ZNF804B: variants seen among roughly 807,000 people sequenced by gnomAD.
The protein encoded by ZNF804B is zinc finger 804B.
In ZNF804B, 80 loss-of-function variants were observed where a neutral mutation model predicts 101.4. The observed-to-expected ratio is 0.79, with a 90% CI of 0.66 to 0.95. ZNF804B has a LOEUF of 0.95. Among genes scored for constraint, ZNF804B ranks in the 40% least tolerant of loss-of-function variants. The pLI, the probability that ZNF804B is intolerant of heterozygous loss-of-function variation, is 0.00. For synonymous variants in ZNF804B, 622 were observed against 558.8 expected (o/e 1.11, Z -1.59); for missense variants, 1,673 against 1,561.9 (o/e 1.07, Z -1.20).
chr7:89,244,122 A>G (rs944453810), intron 2 of ZNF804B, among the ~76,000 whole-genome samples: 1 of 152,002 alleles, frequency 6.6e-6, no homozygotes, highest in East Asian at 1.9e-4. Context: ...GAAACTTTTA[A>G]TTATGTAGAT....
chr7:88,877,667 C>T (rs970443271), intron 1 of ZNF804B, among the ~76,000 whole-genome samples: 1 of 152,036 alleles, frequency 6.6e-6, no homozygotes, highest in Non-Finnish European at 1.5e-5. Context: ...ATAGTGTCTA[C>T]CTCATAGAGT....
intron 1 of ZNF804B, among the ~76,000 whole-genome samples, chr7:88,980,113 T>C (rs1016057824): frequency 1.3e-4 from 20 of 152,028 alleles, no homozygotes; most frequent in African/African-American, 4.8e-4. Flanking sequence ...ATGTGCACAA[T>C]GTGCAGGTTA....
chr7:89,258,497 G>A (rs954165541), intron 2 of ZNF804B, among the ~76,000 whole-genome samples: 3 of 152,116 alleles, frequency 2.0e-5, no homozygotes, highest in Non-Finnish European at 4.4e-5. Flanking sequence ...TTGAATAAAT[G>A]GTTATTCCAT....
At chr7:88,806,016 T>C (rs934094698) in intron 1 of ZNF804B, among the ~76,000 whole-genome samples, 4 of 151,786 alleles carry the variant, frequency 2.6e-5, no homozygotes, top group African/African-American at 4.8e-5. Context: ...TTTTGTAAGA[T>C]AGTGGCTGAT....
At chr7:88,784,599 T>A (rs1317677745) in intron 1 of ZNF804B, among the ~76,000 whole-genome samples, 1 of 152,124 alleles carries the variant, frequency 6.6e-6, no homozygotes, top group Non-Finnish European at 1.5e-5. Flanking sequence ...TTTATATTTT[T>A]AAATATACTC....
In ZNF804B at chr7:89,306,170, AAAG is replaced by A. The variant is rs1229307780; in HGVS notation, c.250-21169_250-21167del. On this transcript the variant is annotated intron_variant, in intron 2 of 3. Coordinates refer to ENST00000333190, the MANE Select transcript of ZNF804B (RefSeq NM_181646.5). ...CCAATCAGCAAACAATTCAGAGATC[AAAG>A]AAGATGATTTTTACCTGAATTACAA... Among the ~76,000 whole-genome samples the A allele has an allele frequency of 3.3e-5, 5 of 152,172 alleles. No individual in the cohort carries two copies. The East Asian group carries it at 9.6e-4, about 29-fold the overall frequency.
intron 1 of ZNF804B, among the ~76,000 whole-genome samples, chr7:89,126,688 A>G (rs1244404373): frequency 6.6e-6 from 1 of 151,812 alleles, no homozygotes; most frequent in Non-Finnish European, 1.5e-5. Context: ...TTTGGAACAC[A>G]TAAGACTAAT....
chr7:88,928,921 A>G (rs1792844589), intron 1 of ZNF804B, among the ~76,000 whole-genome samples: 1 of 152,028 alleles, frequency 6.6e-6, no homozygotes, highest in Non-Finnish European at 1.5e-5. Context: ...TGGCTCATAT[A>G]TGACACTTAT....
At chr7:89,115,462 T>A (rs1790295167) in intron 1 of ZNF804B, among the ~76,000 whole-genome samples, 1 of 152,080 alleles carries the variant, frequency 6.6e-6, no homozygotes, top group Non-Finnish European at 1.5e-5. Context: ...AACACATAGA[T>A]GAGATTACAG....
chr7:89,263,255 A>G (rs1455914149), intron 2 of ZNF804B, among the ~76,000 whole-genome samples: 2 of 152,170 alleles, frequency 1.3e-5, no homozygotes, highest in African/African-American at 4.8e-5. Flanking sequence ...GACCATGCTA[A>G]TAATTCTGGT....
intron 2 of ZNF804B, among the ~76,000 whole-genome samples, chr7:89,275,749 T>C (rs1242771452): frequency 6.6e-6 from 1 of 151,976 alleles, no homozygotes; most frequent in African/African-American, 2.4e-5. Flanking sequence ...CTAGATATTT[T>C]ACTTATGAAC....
intron 1 of ZNF804B, among the ~76,000 whole-genome samples, chr7:89,120,519 G>A (rs1038524572): frequency 2.6e-5 from 4 of 151,654 alleles, no homozygotes; most frequent in South Asian, 2.1e-4. Context: ...TTAGCCGGGC[G>A]TGGTGGTGGG....
intron 1 of ZNF804B, among the ~76,000 whole-genome samples, chr7:88,869,422 C>G (rs1344405384): frequency 6.6e-6 from 1 of 152,140 alleles, no homozygotes. Flanking sequence ...TTAGTCAGCC[C>G]TCCTTTGATC....
intron 1 of ZNF804B, among the ~76,000 whole-genome samples, chr7:89,032,353 A>T (rs937946637): frequency 6.6e-6 from 1 of 152,054 alleles, no homozygotes; most frequent in African/African-American, 2.4e-5. Context: ...GGATAAATTC[A>T]GACTCAATAA....
chr7:88,857,822 CTTTTTTTTTTTTTT>C (rs55841922), intron 1 of ZNF804B, among the ~76,000 whole-genome samples: 9 of 81,472 alleles, frequency 1.1e-4, no homozygotes, highest in East Asian at 6.9e-4. Flanking sequence ...CCTTTCTTTT[CTTTTTTTTTTTTTT>C]TTTTTTTTTT....
chr7:88,963,375 C>T (rs1368330836), intron 1 of ZNF804B, among the ~76,000 whole-genome samples: 1 of 151,194 alleles, frequency 6.6e-6, no homozygotes, highest in Non-Finnish European at 1.5e-5. Context: ...TGTATATGGT[C>T]AAATGATTTT....
chr7:89,257,467 A>G (rs368374331), intron 2 of ZNF804B, among the ~76,000 whole-genome samples: 1 of 152,088 alleles, frequency 6.6e-6, no homozygotes, highest in African/African-American at 2.4e-5. Context: ...TATCTATCCA[A>G]TGCCCAGATC....
chr7:88,854,398 T>TTCCTTCCTTCCTTCCTTC (rs1562812501), intron 1 of ZNF804B, among the ~76,000 whole-genome samples: 1 of 134,880 alleles, frequency 7.4e-6, no homozygotes, highest in African/African-American at 3.1e-5. Context: ...TTTCTTTCTT[T>TTCCTTCCTTCCTTCCTTC]CTTTCTTTCT....
At chr7:89,141,007 G>C (rs7809061) in intron 1 of ZNF804B, among the ~76,000 whole-genome samples, 44,264 of 151,724 alleles carry the variant, frequency 0.29, 6,984 homozygotes, top group East Asian at 0.57. Flanking sequence ...GACATTGTAG[G>C]ATTATTAATT....
Sources: allele counts gnomAD v4.1 joint callset (sites outside exome capture counted in the v4.1 genomes callset), GRCh38; gene constraint gnomAD v4.1.1; transcripts MANE v1.5; gene names NCBI Gene and HGNC (gene_info 2026-07-23, HGNC 2026-07-21).